The following CHST9 variants were observed in gnomAD, a reference collection of about 807,000 sequenced individuals.
The protein encoded by CHST9 is carbohydrate sulfotransferase 9, also known as GalNAc-4-sulfotransferase 2.
Under a neutral mutation model 44.4 loss-of-function variants are expected in CHST9, and 41 were observed. The ratio of observed to expected loss-of-function variants is 0.92; its 90% CI spans 0.72 to 1.20. The LOEUF (loss-of-function observed/expected upper bound fraction) is 1.20, where lower values mean the gene tolerates loss of function less well. CHST9 is among the 50% of genes most tolerant of loss of function. The pLI is 0.00. For synonymous variants in CHST9, 171 were observed against 178.4 expected (o/e 0.96, Z 0.33); for missense variants, 504 against 516.5 (o/e 0.98, Z 0.23).
At position 27,162,925 on chromosome 18, in the gene CHST9, T is replaced by C. The variant is rs200748065; in HGVS notation, c.-96-20020A>G. Among the ~76,000 whole-genome samples, 14 of 152,298 alleles carry C rather than the reference T, an allele frequency of 9.2e-5. No homozygotes were observed. The East Asian group carries it at 2.3e-3, about 25-fold the overall frequency. ...GTTTCCAGTTTTTCTGCTCTGTTTT[T>C]TCCCCATCTTTGTGGTTTTATCTAC... On this transcript the variant is annotated intron_variant, in intron 1 of 5. Transcript: ENST00000618847.
intron 3 of CHST9, among the ~76,000 whole-genome samples, chr18:27,045,834 G>A (rs2057493411): frequency 6.6e-6 from 1 of 151,874 alleles, no homozygotes; most frequent in Non-Finnish European, 1.5e-5. Context: ...CAGTGTAGAC[G>A]GACTCTAAAT....
At chr18:27,101,283 T>C (rs1220598824) in intron 2 of CHST9, among the ~76,000 whole-genome samples, 1 of 152,176 alleles carries the variant, frequency 6.6e-6, no homozygotes, top group Non-Finnish European at 1.5e-5. Context: ...TTAAACACTT[T>C]CTTTTTACAT....
intron 2 of CHST9, among the ~76,000 whole-genome samples, chr18:27,084,203 T>C (rs2057987572): frequency 6.6e-6 from 1 of 151,972 alleles, no homozygotes; most frequent in Non-Finnish European, 1.5e-5. Context: ...TTTTTTGGAA[T>C]AATTTCAGTA....
At position 27,142,915 on chromosome 18, in the gene CHST9, T is replaced by A; in HGVS notation, c.-96-10A>T. 9.7e-7 allele frequency: 1 copy of A among 1,028,980 alleles called. No individual in the cohort carries two copies. Among genetic ancestry groups the A allele is most frequent in the Non-Finnish European group, 1.4e-6 (1 of 715,794 alleles). The allele number at this position is 1,028,980 out of a possible 1,614,324, so 63.7% of individuals were successfully genotyped here. On this transcript the variant is annotated splice_polypyrimidine_tract_variant and intron_variant, in intron 1 of 5. Coordinates refer to ENST00000618847, the MANE Select transcript of CHST9 (RefSeq NM_031422.6). ...AATTCCATAAAGTAACCTAGAATTT[T>A]AAAAAGAAATCTACATTGTACATTT...
rs75001013 is a variant in CHST9, at chr18:27,171,834, T to C, written c.-97+13302A>G. Among the ~76,000 whole-genome samples, 1,364 of 152,268 alleles carry C rather than the reference T, an allele frequency of 9.0e-3. 15 individuals are homozygous for C. The highest frequency in any genetic ancestry group is 0.032 in the African/African-American group (1,311 of 41,566). On this transcript the variant is annotated intron_variant, in intron 1 of 5. Transcript: ENST00000618847. The stretch of plus-strand genomic sequence containing the variant: ...AATTTTGCTTACTTCTGAAGATAGG[T>C]TTTATAGTTCTACTTTGCTATTTCT...
intron 2 of CHST9, among the ~76,000 whole-genome samples, chr18:27,059,470 T>C (rs2057695688): frequency 1.3e-5 from 2 of 152,214 alleles, no homozygotes; most frequent in Non-Finnish European, 2.9e-5. Context: ...TTTAATATTA[T>C]TTAGAGTTAA....
chr18:27,101,839 T>A (rs1396785908), intron 2 of CHST9, among the ~76,000 whole-genome samples: 1 of 152,174 alleles, frequency 6.6e-6, no homozygotes, highest in African/African-American at 2.4e-5. Context: ...AGTCATCATG[T>A]CAAATCAAAA....
intron 2 of CHST9, among the ~76,000 whole-genome samples, chr18:27,059,598 G>A (rs1247058865): frequency 6.6e-6 from 1 of 152,114 alleles, no homozygotes; most frequent in African/African-American, 2.4e-5. Context: ...CAATTTATGT[G>A]GCTAATGAAC....
intron 2 of CHST9, among the ~76,000 whole-genome samples, chr18:27,081,199 A>T (rs191840624): frequency 4.6e-5 from 7 of 152,094 alleles, no homozygotes; most frequent in Non-Finnish European, 5.9e-5. Context: ...TTTGCTGGGC[A>T]TGGTGGTAGC....
chr18:27,074,011 T>C (rs1239087284), intron 2 of CHST9, among the ~76,000 whole-genome samples: 1 of 152,186 alleles, frequency 6.6e-6, no homozygotes, highest in African/African-American at 2.4e-5. Context: ...AAGCAATAAC[T>C]GAGACACAGA....
At chr18:26,957,142 G>T (rs749112517) in intron 4 of CHST9, among the ~76,000 whole-genome samples, 1 of 152,158 alleles carries the variant, frequency 6.6e-6, no homozygotes, top group Non-Finnish European at 1.5e-5. Context: ...AATCAAACCT[G>T]TGGTGCCTAC....
intron 4 of CHST9, among the ~76,000 whole-genome samples, chr18:26,972,608 T>C (rs911902557): frequency 6.6e-6 from 1 of 152,092 alleles, no homozygotes; most frequent in South Asian, 2.1e-4. Flanking sequence ...TTCCACCTTT[T>C]CCTGCGAATG....
chr18:27,000,646 ATCTATCTATCTC>A (rs900826186), intron 4 of CHST9, among the ~76,000 whole-genome samples: 9 of 151,242 alleles, frequency 6.0e-5, no homozygotes, highest in Non-Finnish European at 8.9e-5. Context: ...CTATCTATCT[ATCTATCTATCTC>A]TCTATCTATC....
In CHST9 at chr18:27,099,039, T is replaced by C. The variant is rs1385300836; in HGVS notation, c.121+43650A>G. On this transcript the variant is annotated intron_variant, in intron 2 of 5. Transcript: ENST00000618847. ...TAGAGAATCAAGAAATAAGGTTGCA[T>C]GCCTACAGCCATCTGATCTTTGACA... Among the ~76,000 whole-genome samples, 3 of 151,966 alleles carry C rather than the reference T, an allele frequency of 2.0e-5. No homozygotes were observed. In the East Asian group the frequency reaches 5.8e-4, roughly 29 times the overall value.
rs370346099 is a variant in CHST9 at position 26,980,829 on chromosome 18, T to C, written c.203-36463A>G. 9.2e-5 allele frequency among the ~76,000 whole-genome samples: 14 copies of C among 152,344 alleles called. No homozygotes were observed. The South Asian group carries it at 2.5e-3, about 27-fold the overall frequency. Reference sequence around the variant, plus strand: ...ATGAGCAAAGAGGTATGAAAGAGGCTATGGGATTATTTCCTAGCAACCCAT... The same window carrying C: ...ATGAGCAAAGAGGTATGAAAGAGGCCATGGGATTATTTCCTAGCAACCCAT... On this transcript the variant is annotated intron_variant, in intron 4 of 5. Transcript: ENST00000618847.
At chr18:27,172,929 T>C (rs11876006) in intron 1 of CHST9, among the ~76,000 whole-genome samples, 121,855 of 151,796 alleles carry the variant, frequency 0.8, 49,175 homozygotes, top group East Asian at 0.91. Context: ...TCTACTTGCT[T>C]TGATTAAGTT....
intron 2 of CHST9, among the ~76,000 whole-genome samples, chr18:27,072,949 T>A (rs915380249): frequency 6.6e-5 from 10 of 152,118 alleles, no homozygotes; most frequent in African/African-American, 2.4e-4. Flanking sequence ...GAGTCTCAGG[T>A]TACATTTCAG....
intron 4 of CHST9, among the ~76,000 whole-genome samples, chr18:26,981,205 G>T (rs1255726904): frequency 6.6e-6 from 1 of 152,136 alleles, no homozygotes; most frequent in African/African-American, 2.4e-5. Flanking sequence ...AAAGATATTG[G>T]TAAGAAAGAG....
intron 2 of CHST9, among the ~76,000 whole-genome samples, chr18:27,117,021 A>G (rs929673368): frequency 6.6e-6 from 1 of 151,936 alleles, no homozygotes; most frequent in African/African-American, 2.4e-5. Flanking sequence ...TTCAAGAGAT[A>G]GTTTCTCCTT....
Sources: gnomAD v4.1 joint callset for allele counts (sites outside exome capture counted in the v4.1 genomes callset) on GRCh38, gnomAD v4.1.1 for gene constraint, MANE v1.5 for transcripts, NCBI Gene and HGNC (gene_info 2026-07-23, HGNC 2026-07-21) for gene names.